USB1: variants seen among roughly 807,000 people sequenced by gnomAD.
USB1 encodes the protein U6 snRNA biogenesis phosphodiesterase 1.
A neutral mutation model predicts 29.9 loss-of-function variants in USB1; 21 were observed. The observed-to-expected ratio is 0.70, with a 90% CI of 0.50 to 1.01. The LOEUF (loss-of-function observed/expected upper bound fraction) is 1.01, where lower values mean the gene tolerates loss of function less well. USB1 is among the 50% of genes least tolerant of loss of function. The pLI is 0.00. For missense variants in USB1, 330 were observed against 347.1 expected, an observed-to-expected ratio of 0.95 and a Z score of 0.39; for synonymous variants, 143 against 134.9, an observed-to-expected ratio of 1.06 and a Z score of -0.42.
At position 58,013,184 on chromosome 16, in the gene USB1, A is replaced by G. The variant is rs1018827249; in HGVS notation, c.450-1089A>G. 77 of 985,494 alleles carry G rather than the reference A, an allele frequency of 7.8e-5. No homozygotes were observed. In the Middle Eastern group the frequency reaches 3.1e-3, roughly 40 times the overall value. The allele number at this position is 985,494 out of a possible 1,614,324, so 61.0% of individuals were successfully genotyped here. A position where few individuals can be genotyped will look rare whatever the true frequency, so the allele number is the denominator to read the frequency against. Reference sequence around the variant, plus strand: ...GGCCTGGGCAGCCTGCCTCTGGAGTAGGGGTGGAGAGCCATCCTGCAACAC... The same window carrying G: ...GGCCTGGGCAGCCTGCCTCTGGAGTGGGGGTGGAGAGCCATCCTGCAACAC... On this transcript the variant is annotated intron_variant, in intron 3 of 6. Transcript: ENST00000219281. The surrounding 1 kb of genome is among the most constrained non-coding windows in gnomAD (Gnocchi z 4.3).
At position 58,002,488 on chromosome 16, in the gene USB1, C is replaced by A. The variant is rs774385750; in HGVS notation, c.108C>A (p.Ser36Arg). The A allele has an allele frequency of 6.2e-7, 1 of 1,613,892 alleles. No homozygotes were observed. Among genetic ancestry groups the A allele is most frequent in the Non-Finnish European group, 8.5e-7 (1 of 1,180,024 alleles). The change falls in exon 2 of 7, where the codon AGC becomes AGA. Residue 36 changes from serine to arginine, a missense_variant. Coordinates refer to ENST00000219281, the MANE Select transcript of USB1 (RefSeq NM_024598.4). The stretch of plus-strand genomic sequence containing the variant: ...TTTTTTTCTTTTGCAGTGGCCAGAG[C>A]CCCCTTCCCAGGCAGAGATTTCCAG... ...PGDGSHRRGQ[S>R]PLPRQRFPVP...
At position 58,017,377 on chromosome 16, in the gene USB1, C is replaced by T. The variant is rs1175924773; in HGVS notation, c.547C>T (p.Leu183=). The change falls in exon 5 of 7, where the codon CTG becomes TTG. Residue 183 remains leucine (L), a synonymous_variant. Transcript: ENST00000219281. ...LEVTSGHAQF[L]DLVSEVDRVM... The stretch of plus-strand genomic sequence containing the variant: ...GGTCACTTCAGGGCATGCCCAGTTC[C>T]TGGACCTGGTTTCAGAGGTGGACAG... 1.2e-6 allele frequency: 2 copies of T among 1,614,108 alleles called. No individual in the cohort carries two copies. Among genetic ancestry groups the T allele is most frequent in the African/African-American group, 1.3e-5 (1 of 74,944 alleles).
chr16:58,015,907 C>T (rs891187374), intron 4 of USB1: 1 of 152,252 alleles, frequency 6.6e-6, no homozygotes. Context: ...AGGGTTAGCC[C>T]ATCCAGGGGC....
rs779320272 is a variant in USB1 at position 58,020,230 on chromosome 16, G to C, written c.783G>C (p.Ser261=). Residue 261 remains serine (S), a synonymous_variant, in exon 7 of 7, where the codon TCG becomes TCC. Coordinates refer to ENST00000219281, the MANE Select transcript of USB1 (RefSeq NM_024598.4). ...GCAAGTCTGGGAACAAGTTCTTCTC[G>C]ATGCCTTTGAAGTGAGCACCAGAGG... ...VRCKSGNKFF[S]MPLK is the part of the protein sequence containing the mutation. The C allele has an allele frequency of 5.6e-6, 9 of 1,614,048 alleles. No homozygotes were observed. Among genetic ancestry groups the C allele is most frequent in the African/African-American group, 1.3e-5 (1 of 74,908 alleles).
chr16:58,016,988 T>C, intron 4 of USB1: 1 of 345,070 alleles, frequency 2.9e-6, no homozygotes, highest in Non-Finnish European at 5.6e-6. Flanking sequence ...GAGGCCTCCT[T>C]GAGGACAGGA....
At chr16:58,011,109 C>A (rs1484539208) in intron 3 of USB1, 2 of 1,125,212 alleles carry the variant, frequency 1.8e-6, no homozygotes, top group Non-Finnish European at 2.6e-6. Context: ...GCGTCAGGAG[C>A]CAGGATCACA....
At chr16:58,002,119 G>A (rs1025473269) in intron 1 of USB1, among the ~76,000 whole-genome samples, 1 of 152,186 alleles carries the variant, frequency 6.6e-6, no homozygotes, top group Non-Finnish European at 1.5e-5. Context: ...GCTCTATCAG[G>A]TAGACATATA....
chr16:58,001,999 C>T (rs1041830759), intron 1 of USB1, among the ~76,000 whole-genome samples: 1 of 152,214 alleles, frequency 6.6e-6, no homozygotes, highest in African/African-American at 2.4e-5. Context: ...TCTGGTAATT[C>T]AGTGGTGAAC....
At chr16:58,019,819 A>G (rs1963696872) in intron 6 of USB1, among the ~76,000 whole-genome samples, 1 of 152,214 alleles carries the variant, frequency 6.6e-6, no homozygotes, top group African/African-American at 2.4e-5. Flanking sequence ...TTAAGGAGCC[A>G]CCTTGCGCTT....
In USB1 at chr16:58,020,646, TTCCTC is replaced by T. The variant is rs1367004042; in HGVS notation, c.*409_*413del. ...CCTCTCTCTTCCTCTCCTCTCTCTC[TTCCTC>T]TCCTCTCTCTTCCCTTCCTGTCTCT... On this transcript the variant is annotated 3_prime_UTR_variant, in exon 7 of 7. Transcript: ENST00000219281. 1.0e-5 allele frequency: 3 copies of T among 298,362 alleles called. No individual in the cohort carries two copies. Among genetic ancestry groups the T allele is most frequent in the Admixed American group, 4.9e-5 (1 of 20,342 alleles). The allele number at this position is 298,362 out of a possible 1,614,324, so 18.5% of individuals were successfully genotyped here. A position where few individuals can be genotyped will look rare whatever the true frequency, so the allele number is the denominator to read the frequency against.
chr16:58,001,646 A>G (rs1963197880), intron 1 of USB1, 65 bp downstream of exon 1: 5 of 1,508,258 alleles, frequency 3.3e-6, no homozygotes, highest in Admixed American at 1.9e-5. Context: ...CGGGACCCGA[A>G]TGTCTGGGGG....
intron 3 of USB1, chr16:58,011,384 C>G: frequency 8.2e-7 from 1 of 1,212,524 alleles, no homozygotes; most frequent in Non-Finnish European, 1.0e-6. Context: ...GTCTGCCAGC[C>G]TGGGGCTTTT....
intron 2 of USB1, among the ~76,000 whole-genome samples, chr16:58,007,952 C>T (rs1449267730): frequency 1.3e-5 from 2 of 151,992 alleles, no homozygotes; most frequent in African/African-American, 4.8e-5. Flanking sequence ...CACCGTACTC[C>T]ATCCTGGGCA....
intron 3 of USB1, chr16:58,011,276 C>G: frequency 1.4e-6 from 2 of 1,441,814 alleles, no homozygotes; most frequent in Non-Finnish European, 1.8e-6. Flanking sequence ...ATGGTGGGAG[C>G]TACCTCACTG....
chr16:58,003,638 A>G (rs569784783), intron 2 of USB1, among the ~76,000 whole-genome samples: 103 of 152,248 alleles, frequency 6.8e-4, no homozygotes, highest in Non-Finnish European at 1.2e-3. Context: ...CATCTTTTCA[A>G]TGCTTTTTGC....
At chr16:58,015,530 C>G (rs895042083) in intron 4 of USB1, 2 of 152,118 alleles carry the variant, frequency 1.3e-5, no homozygotes, top group Non-Finnish European at 2.9e-5. Context: ...CCACTTGTGC[C>G]AGGCATTTGC....
At chr16:58,008,453 C>CTTTTTTTT (rs56262437) in intron 2 of USB1, among the ~76,000 whole-genome samples, 8 of 115,192 alleles carry the variant, frequency 6.9e-5, no homozygotes, top group African/African-American at 1.3e-4. Context: ...TTTTCTTTTT[C>CTTTTTTTT]TTTTTTTTTT....
In USB1 at chr16:58,020,259, T is replaced by C. The variant is rs759932035; in HGVS notation, c.*14T>C. ...CCTTTGAAGTGAGCACCAGAGGCCT[T>C]CCTCCTCCAGGGCCCTCTGCAGACC... On this transcript the variant is annotated 3_prime_UTR_variant, in exon 7 of 7. Transcript: ENST00000219281. 6.2e-7 allele frequency: 1 copy of C among 1,612,438 alleles called. No homozygotes were observed. The highest frequency in any genetic ancestry group is 1.3e-5 in the African/African-American group (1 of 74,982).
Position 58,006,159 on chromosome 16 carries a change from C to A in USB1, c.265+3514C>A, listed in dbSNP as rs528427601. Reference sequence around the variant, plus strand: ...CCTGAGGTTGGGAGTTCAAGACCAGCCTGACCAACATGGAGAAACCCCATT... The same window carrying A: ...CCTGAGGTTGGGAGTTCAAGACCAGACTGACCAACATGGAGAAACCCCATT... On this transcript the variant is annotated intron_variant, in intron 2 of 6. Transcript: ENST00000219281. Among the ~76,000 whole-genome samples the A allele has an allele frequency of 6.2e-4, 94 of 151,680 alleles. 1 individual carries two copies. The highest frequency in any genetic ancestry group is 2.2e-3 in the African/African-American group (91 of 41,310).
Sources: allele counts gnomAD v4.1 joint callset (sites outside exome capture counted in the v4.1 genomes callset), GRCh38; gene constraint gnomAD v4.1.1; non-coding constraint Gnocchi (gnomAD v3.1); transcripts MANE v1.5; gene names NCBI Gene and HGNC (gene_info 2026-07-23, HGNC 2026-07-21).